KCNQ3: variants seen among roughly 807,000 people sequenced by gnomAD.
KCNQ3 encodes the protein potassium voltage-gated channel subfamily Q member 3.
A neutral mutation model predicts 92.5 loss-of-function variants in KCNQ3; 30 were observed. The ratio of observed to expected loss-of-function variants is 0.32; its 90% CI spans 0.24 to 0.44. KCNQ3 has a LOEUF of 0.44. KCNQ3 is among the 20% of genes least tolerant of loss of function. The pLI is 1.00. For synonymous variants in KCNQ3, 450 were observed against 468.8 expected (o/e 0.96, Z 0.52); for missense variants, 913 against 1,140.3 (o/e 0.80, Z 2.87).
At chr8:132,421,927 C>T (rs1246946999) in intron 1 of KCNQ3, among the ~76,000 whole-genome samples, 6 of 152,170 alleles carry the variant, frequency 3.9e-5, no homozygotes, top group Non-Finnish European at 7.3e-5. Context: ...TCCAATGTTA[C>T]AGGCTTTCCG....
chr8:132,408,373 C>T (rs181055848), intron 1 of KCNQ3, among the ~76,000 whole-genome samples: 4 of 152,216 alleles, frequency 2.6e-5, no homozygotes, highest in East Asian at 1.9e-4. Flanking sequence ...CTTCTGTGCA[C>T]GCTCTGGTCT....
chr8:132,389,530 TTTGCTGCA>T (rs1819992261), intron 1 of KCNQ3, among the ~76,000 whole-genome samples: 1 of 152,146 alleles, frequency 6.6e-6, no homozygotes, highest in East Asian at 1.9e-4. Flanking sequence ...AGAAAAGGCA[TTTGCTGCA>T]CATATAACTA....
At chr8:132,416,162 G>C (rs905999757) in intron 1 of KCNQ3, among the ~76,000 whole-genome samples, 2 of 152,046 alleles carry the variant, frequency 1.3e-5, no homozygotes, top group African/African-American at 2.4e-5. Flanking sequence ...TTTGATGTTT[G>C]TAAGCAAAAA....
At chr8:132,164,241 C>G (rs1563781582) in intron 8 of KCNQ3, among the ~76,000 whole-genome samples, 1 of 151,826 alleles carries the variant, frequency 6.6e-6, no homozygotes, top group Middle Eastern at 3.2e-3. Context: ...GGTTCTTATT[C>G]AATTGCCCAA....
chr8:132,305,885 T>TTTCG (rs1817405816), intron 1 of KCNQ3, among the ~76,000 whole-genome samples: 2 of 64,910 alleles, frequency 3.1e-5, no homozygotes, highest in Non-Finnish European at 5.5e-5. Flanking sequence ...TTTTGTTTGT[T>TTTCG]TTTGTTTGTT....
chr8:132,318,917 G>A (rs1019635383), intron 1 of KCNQ3, among the ~76,000 whole-genome samples: 1 of 152,204 alleles, frequency 6.6e-6, no homozygotes, highest in Admixed American at 6.5e-5. Flanking sequence ...AGACCAACTG[G>A]AATGTTAGTG....
chr8:132,168,921 T>C (rs1826222587), intron 8 of KCNQ3, among the ~76,000 whole-genome samples: 1 of 151,998 alleles, frequency 6.6e-6, no homozygotes, highest in South Asian at 2.1e-4. Flanking sequence ...AGGCTAACTG[T>C]CCATCTATGT....
At chr8:132,178,837 G>T (rs947834588) in intron 4 of KCNQ3, among the ~76,000 whole-genome samples, 28 of 151,400 alleles carry the variant, frequency 1.8e-4, no homozygotes, top group Non-Finnish European at 1.6e-4. Context: ...ATTGCCCAGG[G>T]CTCACTGCCT....
chr8:132,315,662 G>A (rs913027917), intron 1 of KCNQ3, among the ~76,000 whole-genome samples: 10 of 152,098 alleles, frequency 6.6e-5, no homozygotes, highest in Admixed American at 6.5e-4. Flanking sequence ...TATTTCCCAT[G>A]ACATCCCAGT....
intron 1 of KCNQ3, among the ~76,000 whole-genome samples, chr8:132,388,397 C>T (rs1483926528): frequency 1.3e-5 from 2 of 152,046 alleles, no homozygotes; most frequent in Non-Finnish European, 2.9e-5. Context: ...ACAGACAGTG[C>T]CATTATTCTA....
At chr8:132,297,975 G>A (rs1417220070) in intron 1 of KCNQ3, among the ~76,000 whole-genome samples, 3 of 152,218 alleles carry the variant, frequency 2.0e-5, no homozygotes, top group Admixed American at 6.5e-5. Context: ...TAAATTACAT[G>A]AAATCTTTCT....
At chr8:132,436,496 C>A (rs913095609) in intron 1 of KCNQ3, among the ~76,000 whole-genome samples, 1 of 152,204 alleles carries the variant, frequency 6.6e-6, no homozygotes, top group Non-Finnish European at 1.5e-5. Context: ...AATCTCTCTT[C>A]AAATGATACC....
At chr8:132,243,645 C>T (rs549450145) in intron 1 of KCNQ3, among the ~76,000 whole-genome samples, 78 of 152,324 alleles carry the variant, frequency 5.1e-4, no homozygotes, top group Admixed American at 1.5e-3. Flanking sequence ...GAGACTTGTC[C>T]TCAGATCCTG....
intron 1 of KCNQ3, among the ~76,000 whole-genome samples, chr8:132,423,379 G>T (rs987397338): frequency 7.9e-5 from 12 of 152,168 alleles, no homozygotes; most frequent in African/African-American, 2.9e-4. Flanking sequence ...AGAGTGGGCA[G>T]AATTGAGCTT....
At chr8:132,187,616 C>A (rs1015385016) in intron 1 of KCNQ3, among the ~76,000 whole-genome samples, 1 of 150,228 alleles carries the variant, frequency 6.7e-6, no homozygotes, top group African/African-American at 2.4e-5. Context: ...TCTCAGTTGA[C>A]GATGATGATG....
At chr8:132,186,944 G>GAGAGAGAC (rs1826981860) in intron 1 of KCNQ3, among the ~76,000 whole-genome samples, 5 of 116,414 alleles carry the variant, frequency 4.3e-5, no homozygotes, top group Non-Finnish European at 7.3e-5. Flanking sequence ...GAGAGAGAGA[G>GAGAGAGAC]AGAGAGAGAG....
At chr8:132,412,982 T>C (rs1820690352) in intron 1 of KCNQ3, among the ~76,000 whole-genome samples, 1 of 152,226 alleles carries the variant, frequency 6.6e-6, no homozygotes, top group Middle Eastern at 3.2e-3. Context: ...CTCTCTCCAC[T>C]GACACCTCAC....
Position 132,186,956 on chromosome 8 carries a change from C to CAGAGAGAGAGAGAG in KCNQ3, c.387-789_387-776dup, listed in dbSNP as rs1160355665. Among the ~76,000 whole-genome samples, 191 of 94,196 alleles carry CAGAGAGAGAGAGAG rather than the reference C, an allele frequency of 2.0e-3. 4 individuals are homozygous for CAGAGAGAGAGAGAG. The highest frequency in any genetic ancestry group is 2.3e-3 in the Non-Finnish European group (116 of 49,612). 61.8% of individuals were successfully genotyped at this position (94,196 alleles called of 152,430 possible). A position where few individuals can be genotyped will look rare whatever the true frequency, so the allele number is the denominator to read the frequency against. On this transcript the variant is annotated intron_variant, in intron 1 of 14. Coordinates refer to ENST00000388996, the MANE Select transcript of KCNQ3 (RefSeq NM_004519.4). ...TGTGAGAGAGAGAGAGAGAGAGAGA[C>CAGAGAGAGAGAGAG]AGAGAGAGAGAGAGAGAGAGAGAGA...
intron 1 of KCNQ3, among the ~76,000 whole-genome samples, chr8:132,232,949 C>A (rs187585838): frequency 2.0e-5 from 3 of 152,182 alleles, no homozygotes; most frequent in Non-Finnish European, 4.4e-5. Flanking sequence ...GATGATGAGG[C>A]AACTAAGGTG....
Sources: allele counts gnomAD v4.1 joint callset (sites outside exome capture counted in the v4.1 genomes callset), GRCh38; gene constraint gnomAD v4.1.1; transcripts MANE v1.5; gene names NCBI Gene and HGNC (gene_info 2026-07-23, HGNC 2026-07-21).